Variants in SLC68A1 observed in about 807,000 individuals in gnomAD.
SLC68A1 encodes the protein solute carrier family 68 member 1.
the SLC68A1 span, chr10:102,476,765 A>G: frequency 3.0e-6 from 3 of 985,996 alleles, no homozygotes; most frequent in Non-Finnish European, 3.6e-6. Flanking sequence ...GGGGCGTGGG[A>G]GCCCATCCCG....
At chr10:102,462,894 CTT>C in the SLC68A1 span, among the ~76,000 whole-genome samples, 1 of 152,226 alleles carries the variant, frequency 6.6e-6, no homozygotes, top group Non-Finnish European at 1.5e-5. Flanking sequence ...TGCTGCCTTG[CTT>C]TAGTGTCTTA....
At chr10:102,470,991 G>A in the SLC68A1 span, 83 of 1,613,154 alleles carry the variant, frequency 5.1e-5, no homozygotes, top group Admixed American at 5.0e-4. Context: ...TCCTCCTTCC[G>A]CGCTTTCTGC....
At chr10:102,471,718 C>G in the SLC68A1 span, among the ~76,000 whole-genome samples, 1 of 151,722 alleles carries the variant, frequency 6.6e-6, no homozygotes, top group Non-Finnish European at 1.5e-5. Context: ...AAGATGGCAC[C>G]ACTGTACTCC....
At chr10:102,474,895 A>AAAGTG in the SLC68A1 span, among the ~76,000 whole-genome samples, 1 of 151,246 alleles carries the variant, frequency 6.6e-6, no homozygotes, top group Admixed American at 6.6e-5. Context: ...TGATCCACCC[A>AAAGTG]CCTTGGCCTC....
the SLC68A1 span, chr10:102,470,513 G>A: frequency 4.7e-6 from 6 of 1,274,902 alleles, no homozygotes; most frequent in Admixed American, 1.4e-4. Flanking sequence ...TGCTTCCTAA[G>A]TTGCAGACTG....
the SLC68A1 span, among the ~76,000 whole-genome samples, chr10:102,469,398 T>C: frequency 6.6e-6 from 1 of 152,196 alleles, no homozygotes; most frequent in Non-Finnish European, 1.5e-5. Flanking sequence ...CTAGCTTTCC[T>C]GGCCACTGTC....
At chr10:102,470,921 A>G in the SLC68A1 span, 7 of 1,613,152 alleles carry the variant, frequency 4.3e-6, no homozygotes, top group Middle Eastern at 1.6e-4. Context: ...CTCCCTCTTC[A>G]GCGCGGCCGG....
the SLC68A1 span, chr10:102,475,582 G>A: frequency 1.1e-6 from 1 of 950,480 alleles, no homozygotes; most frequent in East Asian, 2.6e-5. Context: ...GAGTAGGAGA[G>A]GAGTGGGTTT....
chr10:102,462,273 A>G, the SLC68A1 span, among the ~76,000 whole-genome samples: 1 of 152,004 alleles, frequency 6.6e-6, no homozygotes, highest in African/African-American at 2.4e-5. Context: ...CACATATTAT[A>G]CCTTTCATGT....
the SLC68A1 span, chr10:102,469,068 G>T: frequency 6.2e-7 from 1 of 1,613,884 alleles, no homozygotes; most frequent in African/African-American, 1.3e-5. Flanking sequence ...TGCTGGGTCT[G>T]CCCACAGCTG....
At chr10:102,465,466 C>T in the SLC68A1 span, among the ~76,000 whole-genome samples, 3,965 of 152,144 alleles carry the variant, frequency 0.026, 140 homozygotes, top group Non-Finnish European at 0.03. Context: ...GGGTCTTCCA[C>T]GTAGCAGGCA....
the SLC68A1 span, among the ~76,000 whole-genome samples, chr10:102,469,589 C>T: frequency 1.3e-5 from 2 of 149,090 alleles, no homozygotes; most frequent in Non-Finnish European, 3.0e-5. Context: ...TTTTGTCTCA[C>T]AGGCTGGAGT....
chr10:102,475,708 C>T, the SLC68A1 span: 4 of 1,568,708 alleles, frequency 2.5e-6, no homozygotes, highest in East Asian at 4.5e-5. Flanking sequence ...TCTTTCTGTG[C>T]TCTCTTGTCC....
the SLC68A1 span, chr10:102,470,175 A>C: frequency 5.6e-4 from 621 of 1,102,246 alleles, 3 homozygotes; most frequent in Middle Eastern, 0.011. Flanking sequence ...AAGGAAGGGG[A>C]GACTATTTCA....
the SLC68A1 span, among the ~76,000 whole-genome samples, chr10:102,467,093 A>AGT: frequency 6.6e-6 from 1 of 152,234 alleles, no homozygotes; most frequent in African/African-American, 2.4e-5. Flanking sequence ...GCTGAAGTGT[A>AGT]GTGGCATGTT....
chr10:102,462,371 A>G, the SLC68A1 span, among the ~76,000 whole-genome samples: 1 of 152,232 alleles, frequency 6.6e-6, no homozygotes, highest in African/African-American at 2.4e-5. Context: ...CTCAGATAGT[A>G]AGTTAAAGAT....
the SLC68A1 span, chr10:102,469,169 T>G: frequency 7.4e-6 from 12 of 1,613,842 alleles, no homozygotes; most frequent in Non-Finnish European, 1.0e-5. Flanking sequence ...GTGTACAAGA[T>G]CAACAAAATG....
chr10:102,472,970 GCTTCATGC>G, the SLC68A1 span: 1 of 1,576,064 alleles, frequency 6.3e-7, no homozygotes, highest in Non-Finnish European at 8.7e-7. Context: ...GACCTTGGGT[GCTTCATGC>G]AAGCTGGAAG....
chr10:102,467,224 C>T, the SLC68A1 span, among the ~76,000 whole-genome samples: 4 of 152,028 alleles, frequency 2.6e-5, no homozygotes, highest in African/African-American at 4.8e-5. Flanking sequence ...TTAGTAGAGA[C>T]GAGGTTGTGC....
Sources: gnomAD v4.1 joint callset for allele counts (sites outside exome capture counted in the v4.1 genomes callset) on GRCh38, gnomAD v4.1.1 for gene constraint, MANE v1.5 for transcripts, NCBI Gene and HGNC (gene_info 2026-07-23, HGNC 2026-07-21) for gene names.